RNF157: variants seen among roughly 807,000 people sequenced by gnomAD.
The protein encoded by RNF157 is E3 ubiquitin ligase RNF157.
Under a neutral mutation model 88.3 loss-of-function variants are expected in RNF157, and 55 were observed. The observed-to-expected ratio is 0.62, with a 90% confidence interval of 0.50 to 0.78. The LOEUF is 0.78. RNF157 is among the 30% of genes least tolerant of loss of function. The pLI is 0.00. For synonymous variants in RNF157, 334 were observed against 341.2 expected (o/e 0.98, Z 0.23); for missense variants, 788 against 860.8 (o/e 0.92, Z 1.06).
Position 76,156,294 on chromosome 17 carries a change from T to G in RNF157, c.1441A>C (p.Asn481His), listed in dbSNP as rs1272134863. The part of the protein sequence containing the change: ...EECGVTPESE[N>H]LTLSSSGAID... The stretch of plus-strand genomic sequence containing the variant: ...GCTCCAGATGACGACAAGGTGAGAT[T>G]CTCACTTTCTGGAGTCACACCACAT... Residue 481 changes from asparagine to histidine, a missense_variant, in exon 14 of 19, where the codon AAT (asparagine) becomes CAT (histidine). Asn to His is a moderately conservative substitution (Grantham distance 68). Transcript: ENST00000269391. The G allele has an allele frequency of 3.1e-6, 5 of 1,614,050 alleles. No homozygotes were observed.
chr17:76,210,568 C>G (rs1159205330), intron 2 of RNF157, among the ~76,000 whole-genome samples: 3 of 115,874 alleles, frequency 2.6e-5, no homozygotes, highest in East Asian at 2.6e-4. Context: ...CCAGCCTGGG[C>G]GACAGAGCCA....
rs77551906 is a variant in RNF157 at position 76,207,158 on chromosome 17, G to A, written c.207+5206C>T. 2.3e-3 allele frequency among the ~76,000 whole-genome samples: 348 copies of A among 152,288 alleles called. 3 individuals carry two copies. In the East Asian group the frequency reaches 0.042, roughly 19 times the overall value. Reference sequence around the variant, plus strand: ...GGGCCGGGCTTGGTGGCTCACACCTGCAATCCCAACACTTTGGAAGGCTGA... The same window carrying A: ...GGGCCGGGCTTGGTGGCTCACACCTACAATCCCAACACTTTGGAAGGCTGA... On this transcript the variant is annotated intron_variant, in intron 2 of 18. Transcript: ENST00000269391.
intron 1 of RNF157, among the ~76,000 whole-genome samples, chr17:76,233,473 A>G (rs2070230839): frequency 1.3e-5 from 2 of 152,182 alleles, no homozygotes; most frequent in Non-Finnish European, 2.9e-5. Context: ...TCCAAATCAA[A>G]TAACATTTTT....
Position 76,167,146 on chromosome 17 carries a change from G to T in RNF157, c.444-20C>A. ...ATGTAGCTATTGATACAAGTGGGAGGCAAAGCAAAAGTCAGTATCCGGCAC... is the reference window on the plus strand; with the variant it reads ...ATGTAGCTATTGATACAAGTGGGAGTCAAAGCAAAAGTCAGTATCCGGCAC... On this transcript the variant is annotated intron_variant, in intron 4 of 18. Transcript: ENST00000269391. The T allele has an allele frequency of 1.3e-6, 2 of 1,589,458 alleles. No homozygotes were observed. The highest frequency in any genetic ancestry group is 1.7e-6 in the Non-Finnish European group (2 of 1,159,714).
chr17:76,240,227 G>T lies in RNF157; in HGVS notation c.14C>A (p.Thr5Lys). 7.3e-7 allele frequency: 1 copy of T among 1,369,830 alleles called. No individual in the cohort carries two copies. 84.9% of individuals were successfully genotyped at this position (1,369,830 alleles called of 1,614,324 possible). ...CTCCACGCCCGCGTGCTGCCGGCTC[G>T]TCAGGGCCCCCATGGCCGCTGCGGC... MGAL[T>K]SRQHAGVEEV... The change falls in exon 1 of 19, where the codon ACG (threonine) becomes AAG (lysine). Residue 5 changes from threonine to lysine, a missense_variant. Physicochemically the swap from Thr to Lys is moderately conservative, Grantham distance 78. Transcript: ENST00000269391. This position sits in a 1 kb window ranked among gnomAD's most constrained non-coding sequence, Gnocchi z 4.4.
intron 14 of RNF157, 99 bp from the exon 15 acceptor site, chr17:76,155,833 G>T: frequency 9.3e-7 from 1 of 1,074,384 alleles, no homozygotes; most frequent in Non-Finnish European, 1.3e-6. Flanking sequence ...CAGGCATTGA[G>T]GAGTGAAGTG....
At chr17:76,224,758 T>C (rs1279211993) in intron 1 of RNF157, among the ~76,000 whole-genome samples, 2 of 151,828 alleles carry the variant, frequency 1.3e-5, no homozygotes, top group Non-Finnish European at 2.9e-5. Context: ...AAACTCATAA[T>C]GTTTTAAGAA....
intron 3 of RNF157, among the ~76,000 whole-genome samples, chr17:76,169,107 A>G (rs1407043518): frequency 6.6e-6 from 1 of 151,984 alleles, no homozygotes. Context: ...CCTTCCTTTT[A>G]CATTCTCTGT....
chr17:76,232,285 G>A (rs1005181534), intron 1 of RNF157, among the ~76,000 whole-genome samples: 1 of 152,098 alleles, frequency 6.6e-6, no homozygotes, highest in Non-Finnish European at 1.5e-5. Context: ...CTACTTGGGA[G>A]GCTGAGGCTG....
intron 4 of RNF157, 118 bp from the exon 5 acceptor site, chr17:76,167,244 G>C: frequency 1.3e-6 from 1 of 781,938 alleles, no homozygotes; most frequent in Non-Finnish European, 2.1e-6. Context: ...GAGAAGAAAG[G>C]GTCCTTTATA....
intron 2 of RNF157, among the ~76,000 whole-genome samples, chr17:76,203,769 CTT>C (rs778913227): frequency 2.2e-4 from 23 of 104,822 alleles, no homozygotes; most frequent in Non-Finnish European, 2.4e-4. Flanking sequence ...AGTTTTGTTG[CTT>C]TTTTTTTTTT....
intron 15 of RNF157, 36 bp downstream of exon 15, chr17:76,155,526 C>A: frequency 6.2e-7 from 1 of 1,601,512 alleles, no homozygotes; most frequent in South Asian, 1.1e-5. Flanking sequence ...GCACAAAGAA[C>A]AGAGAAGCCA....
intron 3 of RNF157, among the ~76,000 whole-genome samples, chr17:76,168,668 T>C (rs556539619): frequency 6.6e-6 from 1 of 152,240 alleles, no homozygotes; most frequent in South Asian, 2.1e-4. Flanking sequence ...GGGTCCCTTT[T>C]GCCTCTGTCC....
At chr17:76,192,826 C>T (rs2069408839) in intron 2 of RNF157, among the ~76,000 whole-genome samples, 1 of 150,590 alleles carries the variant, frequency 6.6e-6, no homozygotes, top group Non-Finnish European at 1.5e-5. Context: ...TGTTTCAGCT[C>T]TCCCACTTTC....
chr17:76,220,319 T>C (rs1442781593), intron 1 of RNF157, among the ~76,000 whole-genome samples: 1 of 148,954 alleles, frequency 6.7e-6, no homozygotes, highest in African/African-American at 2.5e-5. Flanking sequence ...AGATGGAATA[T>C]ATTAAGCTTC....
rs142742113 is a variant in RNF157 at position 76,238,202 on chromosome 17, G to T, written c.88+1951C>A. Among the ~76,000 whole-genome samples the T allele has an allele frequency of 8.5e-5, 13 of 152,232 alleles. No homozygotes were observed. The East Asian group carries it at 2.3e-3, about 27-fold the overall frequency. Reference sequence around the variant, plus strand: ...CCATAAAGAGCCAGGTCAATTCAAAGATCAGAAGAAAGGCGATGCCTCCGT... The same window carrying T: ...CCATAAAGAGCCAGGTCAATTCAAATATCAGAAGAAAGGCGATGCCTCCGT... On this transcript the variant is annotated intron_variant, in intron 1 of 18. Transcript: ENST00000269391.
At chr17:76,155,764 C>A (rs966314231) in intron 14 of RNF157, 30 bp from the exon 15 acceptor site, 17 of 1,500,184 alleles carry the variant, frequency 1.1e-5, no homozygotes, top group Non-Finnish European at 1.5e-5. Context: ...GGAAAGGAGC[C>A]TGGAGGTCAG....
At chr17:76,174,599 C>G (rs2144883978) in intron 2 of RNF157, among the ~76,000 whole-genome samples, 1 of 152,276 alleles carries the variant, frequency 6.6e-6, no homozygotes, top group South Asian at 2.1e-4. Flanking sequence ...TCCCAAAAAA[C>G]CTACTGGTCT....
chr17:76,205,493 G>A (rs925174705), intron 2 of RNF157, among the ~76,000 whole-genome samples: 1 of 152,024 alleles, frequency 6.6e-6, no homozygotes, highest in Non-Finnish European at 1.5e-5. Context: ...TTGGGAGGCT[G>A]AGATGGGTAG....
Sources: allele counts gnomAD v4.1 joint callset (sites outside exome capture counted in the v4.1 genomes callset), GRCh38; gene constraint gnomAD v4.1.1; non-coding constraint Gnocchi (gnomAD v3.1); transcripts MANE v1.5; gene names NCBI Gene and HGNC (gene_info 2026-07-23, HGNC 2026-07-21).